The following POGZ variants were observed in gnomAD, a reference collection of about 807,000 sequenced individuals.
The protein encoded by POGZ is pogo transposable element derived with ZNF domain.
In POGZ, 17 loss-of-function variants were observed where a neutral mutation model predicts 134.6. The ratio of observed to expected loss-of-function variants is 0.13; its 90% CI spans 0.09 to 0.19. The LOEUF is 0.19. Ranked by LOEUF, POGZ falls within the 10% of genes least tolerant of loss-of-function variation. POGZ has a pLI of 1.00. For missense variants in POGZ, 1,306 were observed against 1,769.7 expected (o/e 0.74, Z 4.70); for synonymous variants, 693 against 657.1 (o/e 1.05, Z -0.84).
In POGZ at chr1:151,429,795, A is replaced by T; in HGVS notation, c.460-84T>A. On this transcript the variant is annotated intron_variant, in intron 4 of 18. Transcript: ENST00000271715. Reference sequence around the variant, plus strand: ...GCAGTATGACCTACATCCAAAAAAAAATTCCCATACTCTTACTTAATGGTT... The same window carrying T: ...GCAGTATGACCTACATCCAAAAAAATATTCCCATACTCTTACTTAATGGTT... The T allele has an allele frequency of 1.9e-5, 13 of 670,280 alleles. No individual in the cohort carries two copies. The South Asian group carries it at 2.5e-4, about 13-fold the overall frequency. The allele number at this position is 670,280 out of a possible 1,614,324, so 41.5% of individuals were successfully genotyped here.
chr1:151,445,522 C>CAAAAAAAAAAAAAAAAAAAAAAAA (rs201269208), intron 1 of POGZ, among the ~76,000 whole-genome samples: 1 of 52,930 alleles, frequency 1.9e-5, no homozygotes, highest in African/African-American at 5.9e-5. Flanking sequence ...GACTCTGTCT[C>CAAAAAAAAAAAAAAAAAAAAAAAA]AAAAAAAAAA....
At position 151,404,868 on chromosome 1, in the gene POGZ, C is replaced by A. The variant is rs1653278667; in HGVS notation, c.4167G>T (p.Glu1389Asp). 1 of 1,614,084 alleles carries A rather than the reference C, an allele frequency of 6.2e-7. No homozygotes were observed. Among genetic ancestry groups the A allele is most frequent in the Non-Finnish European group, 8.5e-7 (1 of 1,180,006 alleles). The change falls in exon 19 of 19, where the codon GAG (glutamate) becomes GAT (aspartate). Residue 1389 changes from glutamate to aspartate, a missense_variant. Physicochemically the swap from Glu to Asp is conservative, Grantham distance 45 (BLOSUM62 2). Transcript: ENST00000271715. The part of the protein sequence containing the change: ...IEPESLHQLF[E>D]GESETESFYG... ...AGAAAGACTCGGTCTCACTTTCACC[C>A]TCAAAGAGCTGGTGAAGACTTTCAG...
Position 151,404,380 on chromosome 1 carries a change from A to G in POGZ, c.*422T>C. 1.0e-6 allele frequency: 1 copy of G among 987,802 alleles called. No homozygotes were observed. The highest frequency in any genetic ancestry group is 1.2e-6 in the Non-Finnish European group (1 of 830,066). 61.2% of individuals were successfully genotyped at this position (987,802 alleles called of 1,614,324 possible). ...ATTAGATAGCATCATGCCCAAAGAC[A>G]TTGGCCACACAATAAAACAAACAAA... On this transcript the variant is annotated 3_prime_UTR_variant, in exon 19 of 19. Coordinates refer to ENST00000271715, the MANE Select transcript of POGZ (RefSeq NM_015100.4).
At chr1:151,410,032 G>A (rs1654393988) in intron 12 of POGZ, among the ~76,000 whole-genome samples, 1 of 152,130 alleles carries the variant, frequency 6.6e-6, no homozygotes, top group African/African-American at 2.4e-5. Context: ...GTGTAATAGG[G>A]TACATATGTT....
intron 2 of POGZ, 123 bp downstream of exon 2, chr1:151,441,958 G>GT: frequency 1.5e-6 from 1 of 650,122 alleles, no homozygotes; most frequent in South Asian, 2.0e-5. Context: ...GGCAGCACCA[G>GT]TGAGTGCCAC....
chr1:151,431,094 T>A (rs1004696553), intron 3 of POGZ, among the ~76,000 whole-genome samples: 1 of 151,892 alleles, frequency 6.6e-6, no homozygotes, highest in South Asian at 2.1e-4. Context: ...GAAACAGAAA[T>A]GGTGTCCTAT....
At chr1:151,419,804 T>C (rs1212825284) in intron 10 of POGZ, among the ~76,000 whole-genome samples, 2 of 151,952 alleles carry the variant, frequency 1.3e-5, no homozygotes, top group African/African-American at 4.8e-5. Context: ...GCATAAAATC[T>C]TGTCATAAGA....
chr1:151,441,148 C>A (rs769767406), intron 2 of POGZ, 62 bp from the exon 3 acceptor site: 4 of 1,340,332 alleles, frequency 3.0e-6, no homozygotes, highest in Non-Finnish European at 4.1e-6. Flanking sequence ...AAGGATACTG[C>A]TCTAATCTTC....
At chr1:151,417,729 CA>C (rs201235565) in intron 10 of POGZ, among the ~76,000 whole-genome samples, 2 of 120,692 alleles carry the variant, frequency 1.7e-5, no homozygotes, top group African/African-American at 7.2e-5. Context: ...CACACACACA[CA>C]AAAGGCCTTA....
At chr1:151,407,075 G>C in intron 16 of POGZ, 52 bp from the exon 17 acceptor site, 1 of 1,438,402 alleles carries the variant, frequency 7.0e-7, no homozygotes, top group Non-Finnish European at 9.8e-7. Flanking sequence ...TGACACTTGA[G>C]ACCATTAAGC....
intron 3 of POGZ, among the ~76,000 whole-genome samples, chr1:151,434,209 C>T (rs1557922798): frequency 6.6e-6 from 1 of 152,154 alleles, no homozygotes; most frequent in African/African-American, 2.4e-5. Context: ...ACCTGAGTGA[C>T]TGAGGCATGA....
chr1:151,451,753 A>C (rs1424911635), intron 1 of POGZ, among the ~76,000 whole-genome samples: 1 of 151,998 alleles, frequency 6.6e-6, no homozygotes, highest in African/African-American at 2.4e-5. Flanking sequence ...GGAAATAATC[A>C]AATGCAGAAT....
At chr1:151,414,323 A>G (rs1166271738) in intron 10 of POGZ, among the ~76,000 whole-genome samples, 1 of 152,204 alleles carries the variant, frequency 6.6e-6, no homozygotes, top group Non-Finnish European at 1.5e-5. Context: ...AACACCTTTA[A>G]GCAATATTTT....
At chr1:151,422,888 G>A (rs1287137940) in intron 10 of POGZ, among the ~76,000 whole-genome samples, 1 of 152,052 alleles carries the variant, frequency 6.6e-6, no homozygotes, top group Non-Finnish European at 1.5e-5. Context: ...CACCGTGCCC[G>A]GCCATATTAT....
chr1:151,418,271 G>A (rs1014831519), intron 10 of POGZ, among the ~76,000 whole-genome samples: 22 of 151,580 alleles, frequency 1.5e-4, no homozygotes, highest in African/African-American at 5.1e-4. Flanking sequence ...CCACAAAAAA[G>A]AATGAAATTC....
At chr1:151,437,693 A>T (rs1304275684) in intron 3 of POGZ, among the ~76,000 whole-genome samples, 1 of 152,172 alleles carries the variant, frequency 6.6e-6, no homozygotes, top group African/African-American at 2.4e-5. Flanking sequence ...CAGAGGTTGC[A>T]GTGAGCCGAG....
At chr1:151,446,484 G>A (rs185998303) in intron 1 of POGZ, among the ~76,000 whole-genome samples, 8 of 152,222 alleles carry the variant, frequency 5.3e-5, no homozygotes, top group South Asian at 2.1e-4. Context: ...GGCCGGGCGC[G>A]GTTGCTCACG....
chr1:151,409,060 T>G (rs1353076354), intron 12 of POGZ, among the ~76,000 whole-genome samples: 2 of 152,172 alleles, frequency 1.3e-5, no homozygotes, highest in African/African-American at 4.8e-5. Flanking sequence ...ATGACTAAGT[T>G]CTCAAATCAT....
intron 1 of POGZ, among the ~76,000 whole-genome samples, chr1:151,448,080 T>C (rs1267592926): frequency 6.6e-6 from 1 of 152,136 alleles, no homozygotes; most frequent in East Asian, 1.9e-4. Flanking sequence ...ATTACCTCCA[T>C]ATGAATCCCC....
Sources: allele counts gnomAD v4.1 joint callset (sites outside exome capture counted in the v4.1 genomes callset), GRCh38; gene constraint gnomAD v4.1.1; transcripts MANE v1.5; gene names NCBI Gene and HGNC (gene_info 2026-07-23, HGNC 2026-07-21).